RUFY2: variants seen among roughly 807,000 people sequenced by gnomAD.
The protein encoded by RUFY2 is RUN and FYVE domain containing 2.
In RUFY2, 49 loss-of-function variants were observed where a neutral mutation model predicts 94.4. That is an observed-to-expected ratio of 0.52 (90% CI 0.41 to 0.66). RUFY2 has a LOEUF of 0.66. Among genes scored for constraint, RUFY2 ranks in the 30% least tolerant of loss-of-function variants. RUFY2 has a pLI of 0.00. For synonymous variants in RUFY2, 255 were observed against 235.7 expected, an observed-to-expected ratio of 1.08 and a Z score of -0.75; for missense variants, 541 against 692.8, an observed-to-expected ratio of 0.78 and a Z score of 2.46.
intron 15 of RUFY2, among the ~76,000 whole-genome samples, chr10:68,359,685 G>A (rs561800494): frequency 3.1e-4 from 46 of 148,558 alleles, no homozygotes; most frequent in African/African-American, 1.1e-3. Context: ...CCAGCTACTC[G>A]GGAGGCTGAG....
intron 15 of RUFY2, among the ~76,000 whole-genome samples, chr10:68,356,538 A>C (rs2132391700): frequency 6.7e-6 from 1 of 149,462 alleles, no homozygotes; most frequent in Non-Finnish European, 1.5e-5. Context: ...ACTGTGGAAG[A>C]CACAGCTGCA....
Position 68,404,786 on chromosome 10 carries a change from A to G in RUFY2, c.63T>C (p.Ser21=). Residue 21 remains serine (S), a synonymous_variant, in exon 2 of 18, where the codon AGT becomes AGC. Transcript: ENST00000602465. ...GAGCAGATTCAATGAGTCCTTTGAT[A>G]CTCAGTTTAGCCATGTTTAACAAGT... ...RANLLNMAKL[S]IKGLIESALS... 2 of 1,613,338 alleles carry G rather than the reference A, an allele frequency of 1.2e-6. No individual in the cohort carries two copies. Among genetic ancestry groups the G allele is most frequent in the Non-Finnish European group, 1.7e-6 (2 of 1,179,644 alleles).
chr10:68,386,390 C>T (rs760653311), intron 7 of RUFY2, among the ~76,000 whole-genome samples: 55 of 152,218 alleles, frequency 3.6e-4, no homozygotes, highest in Admixed American at 5.9e-4. Context: ...CACTCTGTTG[C>T]CCAGGCTGGA....
intron 8 of RUFY2, 63 bp downstream of exon 8, chr10:68,385,996 C>T: frequency 9.0e-7 from 1 of 1,108,494 alleles, no homozygotes; most frequent in Non-Finnish European, 1.3e-6. Context: ...TGCATTCATA[C>T]TTAAAATGGA....
At chr10:68,380,785 C>T (rs2132768687) in intron 11 of RUFY2, among the ~76,000 whole-genome samples, 1 of 152,132 alleles carries the variant, frequency 6.6e-6, no homozygotes, top group East Asian at 1.9e-4. Flanking sequence ...TCGCTTGACC[C>T]TGGGAGGCAG....
intron 2 of RUFY2, 104 bp downstream of exon 2, chr10:68,404,567 A>C: frequency 8.3e-6 from 5 of 604,178 alleles, no homozygotes; most frequent in African/African-American, 1.9e-5. Context: ...AATATTTTTT[A>C]GTGCACAGTA....
chr10:68,376,022 C>T (rs1463149949), intron 13 of RUFY2, among the ~76,000 whole-genome samples: 2 of 151,518 alleles, frequency 1.3e-5, no homozygotes, highest in South Asian at 2.1e-4. Context: ...ATTGCTTGAA[C>T]CCAGGAGGCA....
chr10:68,405,513 G>A lies in RUFY2; in HGVS notation c.5-669C>T, dbSNP rs182959469. The A allele has an allele frequency of 6.8e-5, 60 of 881,262 alleles. 1 individual carries two copies. The African/African-American group carries it at 1.0e-3, about 15-fold the overall frequency. 54.6% of individuals were successfully genotyped at this position (881,262 alleles called of 1,614,324 possible). On this transcript the variant is annotated intron_variant, in intron 1 of 17. Coordinates refer to ENST00000602465, the MANE Select transcript of RUFY2 (RefSeq NM_001330103.2). ...ATAAATTTGGGGTGAGAGACAACAG[G>A]TTTAAGGGCCTCATGCAAAAGGTAG...
chr10:68,355,341 CG>C lies in RUFY2; in HGVS notation c.1599+11del. ...CACATACCTTCCCACTTTAGGAAAACGTTCTACTCACCTGCAATGCTTTGTT... is the reference window on the plus strand; with the variant it reads ...CACATACCTTCCCACTTTAGGAAAACTTCTACTCACCTGCAATGCTTTGTT... On this transcript the variant is annotated intron_variant, in intron 16 of 17. Coordinates refer to ENST00000602465, the MANE Select transcript of RUFY2 (RefSeq NM_001330103.2). 2 of 1,601,614 alleles carry C rather than the reference CG, an allele frequency of 1.2e-6. No homozygotes were observed. The highest frequency in any genetic ancestry group is 1.7e-6 in the Non-Finnish European group (2 of 1,170,030).
intron 13 of RUFY2, among the ~76,000 whole-genome samples, chr10:68,367,462 T>C (rs1467414044): frequency 1.3e-5 from 2 of 150,150 alleles, no homozygotes; most frequent in Non-Finnish European, 2.9e-5. Context: ...TATTTTGTTC[T>C]GTTTTTAGAG....
intron 16 of RUFY2, among the ~76,000 whole-genome samples, chr10:68,353,508 TAC>T (rs890457471): frequency 4.2e-4 from 62 of 149,000 alleles, no homozygotes; most frequent in African/African-American, 1.5e-3. Flanking sequence ...AAAAAAAAAA[TAC>T]AGAGTAAGAC....
At chr10:68,370,452 T>C (rs576256932) in intron 13 of RUFY2, among the ~76,000 whole-genome samples, 12 of 143,714 alleles carry the variant, frequency 8.3e-5, no homozygotes, top group African/African-American at 1.9e-4. Context: ...TTTTTTCTTT[T>C]TTTTTTTTTT....
chr10:68,370,377 C>A (rs1224493160), intron 13 of RUFY2, among the ~76,000 whole-genome samples: 1 of 151,742 alleles, frequency 6.6e-6, no homozygotes, highest in African/African-American at 2.4e-5. Context: ...TGAAGCAACC[C>A]CACTGGTAAC....
intron 8 of RUFY2, among the ~76,000 whole-genome samples, chr10:68,384,353 C>T (rs1317747981): frequency 6.6e-6 from 1 of 152,236 alleles, no homozygotes; most frequent in East Asian, 1.9e-4. Context: ...CTCTTATTTC[C>T]TTTTGAATTA....
At chr10:68,382,587 G>A (rs997564837) in intron 10 of RUFY2, among the ~76,000 whole-genome samples, 45 of 150,954 alleles carry the variant, frequency 3.0e-4, no homozygotes, top group African/African-American at 1.1e-3. Context: ...GGTGGCGGGC[G>A]CCTATAGTCC....
chr10:68,385,923 G>A (rs1047073096), intron 8 of RUFY2, 136 bp downstream of exon 8: 4 of 473,438 alleles, frequency 8.4e-6, no homozygotes, highest in Admixed American at 8.1e-5. Flanking sequence ...CATCAGTTAC[G>A]ACTATATTAC....
chr10:68,359,354 A>C (rs1019514482), intron 15 of RUFY2, among the ~76,000 whole-genome samples: 1 of 95,394 alleles, frequency 1.0e-5, no homozygotes, highest in Non-Finnish European at 2.6e-5. Context: ...GAAAATATAC[A>C]TATGTATACA....
At chr10:68,405,138 C>T (rs2051172431) in intron 1 of RUFY2, among the ~76,000 whole-genome samples, 1 of 151,924 alleles carries the variant, frequency 6.6e-6, no homozygotes, top group African/African-American at 2.4e-5. Flanking sequence ...CATGGTGAAA[C>T]CCCGTCTCTA....
At chr10:68,389,214 A>G (rs2049788713) in intron 7 of RUFY2, among the ~76,000 whole-genome samples, 1 of 152,212 alleles carries the variant, frequency 6.6e-6, no homozygotes, top group South Asian at 2.1e-4. Context: ...AAACATTTAT[A>G]AAACATAAGG....
Sources: gnomAD v4.1 joint callset for allele counts (sites outside exome capture counted in the v4.1 genomes callset) on GRCh38, gnomAD v4.1.1 for gene constraint, MANE v1.5 for transcripts, NCBI Gene and HGNC (gene_info 2026-07-23, HGNC 2026-07-21) for gene names.